CDC23: variants seen among roughly 807,000 people sequenced by gnomAD.
CDC23 encodes the protein cell division cycle protein 23 homolog.
In CDC23, 26 loss-of-function variants were observed where a neutral mutation model predicts 81.7. That is an observed-to-expected ratio of 0.32 (90% confidence interval 0.23 to 0.44). The LOEUF (loss-of-function observed/expected upper bound fraction) is 0.44. Ranked by LOEUF, CDC23 falls within the 20% of genes least tolerant of loss-of-function variation. The pLI is 1.00. For missense variants in CDC23, 519 were observed against 728.0 expected (o/e 0.71, Z 3.30); for synonymous variants, 267 against 270.8 (o/e 0.99, Z 0.14).
Position 138,191,909 on chromosome 5 carries a change from A to T in CDC23, c.1315T>A (p.Leu439Ile). Residue 439 changes from leucine to isoleucine, a missense_variant, in exon 12 of 16, where the codon TTA (leucine) becomes ATA (isoleucine). By Grantham distance (5) the Leu-to-Ile change is conservative. This residue lies in a region of CDC23 where 175 missense variants were observed against 337.8 expected (regional missense o/e 0.52). Coordinates refer to ENST00000394886, the MANE Select transcript of CDC23 (RefSeq NM_004661.4). ...RPNDSRMLVA[L>I]GECYEKLNQL... The stretch of plus-strand genomic sequence containing the variant: ...TTGAGTTTCTCGTAACATTCTCCTA[A>T]AGCAACCAGCATGCGAGAATCATTG... The T allele has an allele frequency of 6.2e-7, 1 of 1,614,136 alleles. No homozygotes were observed. Among genetic ancestry groups the T allele is most frequent in the Non-Finnish European group, 8.5e-7 (1 of 1,179,996 alleles).
chr5:138,198,705 T>C lies in CDC23; in HGVS notation c.732A>G (p.Ile244Met). 1.2e-6 allele frequency: 2 copies of C among 1,614,188 alleles called. No individual in the cohort carries two copies. The highest frequency in any genetic ancestry group is 8.5e-7 in the Non-Finnish European group (1 of 1,180,026). Residue 244 changes from isoleucine (I) to methionine (M), a missense_variant, in exon 7 of 16, where the codon ATA (isoleucine) becomes ATG (methionine). Ile to Met is a conservative substitution (Grantham distance 10). Around this residue, in one of 4 missense-constraint regions of CDC23, gnomAD observed 180 missense variants for 239.3 expected, o/e 0.75. Transcript: ENST00000394886. The part of the protein sequence containing the change: ...LAHIYTELQL[I>M]EEALQKYQNL... The stretch of plus-strand genomic sequence containing the variant: ...TCTGATACTTTTGCAGGGCCTCCTC[T>C]ATCAACTGCAACTCTGTGTATATAT...
At chr5:138,212,540 ACTCC>A (rs146407981) in intron 2 of CDC23, among the ~76,000 whole-genome samples, 43,626 of 151,666 alleles carry the variant, frequency 0.29, 7,340 homozygotes, top group South Asian at 0.43. Context: ...CTGGTCTCGA[ACTCC>A]TAACCTCGTG....
intron 9 of CDC23, among the ~76,000 whole-genome samples, chr5:138,196,145 A>G (rs976801860): frequency 1.3e-5 from 2 of 151,994 alleles, no homozygotes; most frequent in African/African-American, 4.8e-5. Flanking sequence ...TGAATTCAAC[A>G]AACATTTATT....
At chr5:138,189,193 G>C (rs375738377) in intron 15 of CDC23, 45 bp from the exon 16 acceptor site, 113 of 1,571,722 alleles carry the variant, frequency 7.2e-5, no homozygotes, top group Non-Finnish European at 9.3e-5. Context: ...TCCAAAGCTA[G>C]TCTCGAAAAC....
chr5:138,195,066 A>T (rs566688862), intron 9 of CDC23, among the ~76,000 whole-genome samples: 24 of 151,990 alleles, frequency 1.6e-4, no homozygotes, highest in African/African-American at 4.3e-4. Flanking sequence ...TATTTTTTTT[A>T]AAAAGAATGA....
chr5:138,209,076 TGA>T (rs1417428763), intron 2 of CDC23, among the ~76,000 whole-genome samples: 1 of 151,960 alleles, frequency 6.6e-6, no homozygotes, highest in African/African-American at 2.4e-5. Flanking sequence ...TCAGCCAGGT[TGA>T]GTTTTTAAAC....
At chr5:138,211,986 T>A (rs2967786) in intron 2 of CDC23, among the ~76,000 whole-genome samples, 2 of 151,988 alleles carry the variant, frequency 1.3e-5, no homozygotes, top group African/African-American at 4.8e-5. Context: ...TTCTTGAAAA[T>A]GCAGCAATTA....
At chr5:138,206,792 T>G in intron 2 of CDC23, 108 bp from the exon 3 acceptor site, 1 of 1,039,446 alleles carries the variant, frequency 9.6e-7, no homozygotes, top group Non-Finnish European at 1.4e-6. Context: ...AGGATTGTTT[T>G]CTTCCTCCTA....
rs775991106 is a variant in CDC23, at chr5:138,198,548, A to C, written c.833-25T>G. 4 of 1,613,198 alleles carry C rather than the reference A, an allele frequency of 2.5e-6. No individual in the cohort carries two copies. The South Asian group carries it at 3.3e-5, about 13-fold the overall frequency. The stretch of plus-strand genomic sequence containing the variant: ...TCTGCAGAAAGAAGATAGTTCAGAA[A>C]ACAGCACAATGCACCTGTCAGGGTC... On this transcript the variant is annotated intron_variant, in intron 7 of 15. Coordinates refer to ENST00000394886, the MANE Select transcript of CDC23 (RefSeq NM_004661.4).
At chr5:138,201,265 G>C (rs1754986296) in intron 5 of CDC23, 26 bp from the exon 6 acceptor site, 2 of 1,613,774 alleles carry the variant, frequency 1.2e-6, no homozygotes, top group South Asian at 2.2e-5. Context: ...AACAATCACA[G>C]AAGTTAATGC....
In CDC23 at chr5:138,206,656, G is replaced by T; in HGVS notation, c.263C>A (p.Thr88Asn). 2 of 1,613,234 alleles carry T rather than the reference G, an allele frequency of 1.2e-6. No individual in the cohort carries two copies. Among genetic ancestry groups the T allele is most frequent in the Non-Finnish European group, 1.7e-6 (2 of 1,179,592 alleles). The stretch of plus-strand genomic sequence containing the variant: ...AACGTCAAAGTAGGCCTTGGCCAGG[G>T]TATAGGCATCCATATCCTGGGCATC... ...EEDAQDMDAY[T>N]LAKAYFDVKE... The change falls in exon 3 of 16, where the codon ACC (threonine) becomes AAC (asparagine). Residue 88 changes from threonine to asparagine, a missense_variant. Transcript: ENST00000394886.
chr5:138,209,430 A>G (rs375238499), intron 2 of CDC23, among the ~76,000 whole-genome samples: 43 of 151,078 alleles, frequency 2.8e-4, no homozygotes, highest in African/African-American at 1.0e-3. Flanking sequence ...TCAAAAAAAA[A>G]AAAAGAAAAG....
rs758386687 is a variant in CDC23, at chr5:138,213,045, G to A, written c.180C>T (p.Phe60=). 1.7e-5 allele frequency: 28 copies of A among 1,613,838 alleles called. No homozygotes were observed. The highest frequency in any genetic ancestry group is 1.3e-4 in the South Asian group (12 of 91,062). The change falls in exon 2 of 16, where the codon TTC becomes TTT. Residue 60 remains phenylalanine (F), a synonymous_variant. Coordinates refer to ENST00000394886, the MANE Select transcript of CDC23 (RefSeq NM_004661.4). ...HSSKWSAELA[F]SLPALPLAEL... ...CGGCCAGAGGCAATGCAGGGAGAGAGAAAGCCAACTCCGCCGACCTGGAAC... is the reference window on the plus strand; with the variant it reads ...CGGCCAGAGGCAATGCAGGGAGAGAAAAAGCCAACTCCGCCGACCTGGAAC...
intron 2 of CDC23, among the ~76,000 whole-genome samples, chr5:138,209,708 C>T (rs1381738939): frequency 6.7e-6 from 1 of 150,208 alleles, no homozygotes; most frequent in African/African-American, 2.5e-5. Flanking sequence ...TCGGTAATCC[C>T]GGCTATTCGG....
intron 11 of CDC23, 110 bp from the exon 12 acceptor site, chr5:138,192,047 C>T (rs1482894051): frequency 7.1e-6 from 7 of 988,100 alleles, no homozygotes; most frequent in Middle Eastern, 4.3e-4. Context: ...TGGTCTTTAA[C>T]CTGATGCTCC....
intron 15 of CDC23, among the ~76,000 whole-genome samples, 194 bp from the exon 16 acceptor site, chr5:138,189,342 G>A (rs144326715): frequency 6.0e-4 from 91 of 151,260 alleles, no homozygotes; most frequent in African/African-American, 2.1e-3. Context: ...CTGCAGCCTC[G>A]ACCTCACTGC....
At position 138,198,218 on chromosome 5, in the gene CDC23, T is replaced by C. The variant is rs746995512; in HGVS notation, c.993A>G (p.Val331=). 3.1e-6 allele frequency: 5 copies of C among 1,612,502 alleles called. No homozygotes were observed. The South Asian group carries it at 4.4e-5, about 14-fold the overall frequency. Residue 331 remains valine (V), a synonymous_variant, in exon 9 of 16, where the codon GTA becomes GTG. Transcript: ENST00000394886. ...TCTTACCAATTACACAGCACGTTTCTACACGATATTTATCAATCTCACAGA... is the reference window on the plus strand; with the variant it reads ...TCTTACCAATTACACAGCACGTTTCCACACGATATTTATCAATCTCACAGA... The part of the protein sequence containing the change: ...HNLCEIDKYR[V]ETCCVIGNYY...
At chr5:138,196,617 G>A (rs534518967) in intron 9 of CDC23, among the ~76,000 whole-genome samples, 12 of 136,652 alleles carry the variant, frequency 8.8e-5, no homozygotes, top group East Asian at 6.8e-4. Flanking sequence ...GTCTCACTCC[G>A]TCGCCTAGGC....
chr5:138,190,601 TA>T (rs1754815531), intron 13 of CDC23, among the ~76,000 whole-genome samples: 1 of 151,832 alleles, frequency 6.6e-6, no homozygotes, highest in African/African-American at 2.4e-5. Flanking sequence ...CTGTCTCTAC[TA>T]AAAAATACAA....
Sources: gnomAD v4.1 joint callset for allele counts (sites outside exome capture counted in the v4.1 genomes callset) on GRCh38, gnomAD v4.1.1 for gene constraint, gnomAD v4.1.1 regional missense constraint, MANE v1.5 for transcripts, NCBI Gene and HGNC (gene_info 2026-07-23, HGNC 2026-07-21) for gene names.